The following RBX1 variants were observed in gnomAD, a reference collection of about 807,000 sequenced individuals.
The protein encoded by RBX1 is ring-box 1.
For missense variants in RBX1, 46 were observed against 141.4 expected, an observed-to-expected ratio of 0.33 and a Z score of 3.42; for synonymous variants, 48 against 47.9, an observed-to-expected ratio of 1.00 and a Z score of -0.01.
At chr22:40,969,260 T>C (rs1306141893) in intron 4 of RBX1, among the ~76,000 whole-genome samples, 1 of 152,172 alleles carries the variant, frequency 6.6e-6, no homozygotes, top group African/African-American at 2.4e-5. Flanking sequence ...TGTGGTGGGC[T>C]GAGATCGCAC....
chr22:40,961,081 C>CTTTTTTTTTTTTTTTTTTT (rs61092253), intron 2 of RBX1, among the ~76,000 whole-genome samples: 5 of 107,670 alleles, frequency 4.6e-5, no homozygotes, highest in Admixed American at 1.9e-4. Context: ...CGTGCCTGGC[C>CTTTTTTTTTTTTTTTTTTT]TTTTTTTTTT....
intron 4 of RBX1, among the ~76,000 whole-genome samples, 180 bp from the exon 5 acceptor site, chr22:40,972,296 G>A (rs2058371215): frequency 6.6e-6 from 1 of 152,184 alleles, no homozygotes; most frequent in Admixed American, 6.6e-5. Flanking sequence ...CCTGTAAGAT[G>A]GGGAGGGGAA....
At chr22:40,961,254 A>AT (rs1036046244) in intron 2 of RBX1, among the ~76,000 whole-genome samples, 70 of 150,156 alleles carry the variant, frequency 4.7e-4, no homozygotes, top group African/African-American at 1.7e-3. Flanking sequence ...CAACTGGCTA[A>AT]TTTTTTTATT....
intron 4 of RBX1, among the ~76,000 whole-genome samples, chr22:40,971,583 T>G (rs1363425789): frequency 6.6e-6 from 1 of 152,044 alleles, no homozygotes; most frequent in Non-Finnish European, 1.5e-5. Context: ...TGAGACAGAG[T>G]CTCACTGTGT....
At chr22:40,972,455 G>A (rs2058371607) in intron 4 of RBX1, 21 bp from the exon 5 acceptor site, 4 of 1,595,384 alleles carry the variant, frequency 2.5e-6, no homozygotes, top group South Asian at 1.1e-5. Context: ...ATTAATCAGA[G>A]TAATTTACTT....
rs61092253 is a variant in RBX1 at position 40,961,081 on chromosome 22, C to CTTTTTTTTTTTTTTTTT, written c.158-2959_158-2943dup. Among the ~76,000 whole-genome samples, 5 of 107,670 alleles carry CTTTTTTTTTTTTTTTTT rather than the reference C, an allele frequency of 4.6e-5. 1 individual carries two copies. Among genetic ancestry groups the CTTTTTTTTTTTTTTTTT allele is most frequent in the African/African-American group, 1.8e-4 (5 of 27,120 alleles). The allele number at this position is 107,670 out of a possible 152,430, so 70.6% of individuals were successfully genotyped here. Reference sequence around the variant, plus strand: ...GCCCGGCCGAGCCACCGTGCCTGGCCTTTTTTTTTTTTTTTTTTTTTTTGA... The same window carrying CTTTTTTTTTTTTTTTTT: ...GCCCGGCCGAGCCACCGTGCCTGGCCTTTTTTTTTTTTTTTTTTTTTTTTTTTTTTTTTTTTTTTTGA... On this transcript the variant is annotated intron_variant, in intron 2 of 4. Coordinates refer to ENST00000216225, the MANE Select transcript of RBX1 (RefSeq NM_014248.4).
rs2058358361 is a variant in RBX1, at chr22:40,967,898, GT to G, written c.314+16del. 1.3e-6 allele frequency: 2 copies of G among 1,598,382 alleles called. No individual in the cohort carries two copies. The highest frequency in any genetic ancestry group is 1.7e-6 in the Non-Finnish European group (2 of 1,165,842). On this transcript the variant is annotated intron_variant, in intron 4 of 4. Coordinates refer to ENST00000216225, the MANE Select transcript of RBX1 (RefSeq NM_014248.4). Reference sequence around the variant, plus strand: ...GGAATTCCAAAAGTAGGTATCTTTGGTTGTTTTGACGGGGCTTTTTGACTTG... The same window carrying G: ...GGAATTCCAAAAGTAGGTATCTTTGGTGTTTTGACGGGGCTTTTTGACTTG...
At chr22:40,967,273 G>T (rs1051870383) in intron 3 of RBX1, 1 of 153,032 alleles carries the variant, frequency 6.5e-6, no homozygotes, top group Admixed American at 6.5e-5. Context: ...TGAGCTGGGT[G>T]TGGGGAGGTT....
intron 2 of RBX1, among the ~76,000 whole-genome samples, chr22:40,956,247 T>A (rs1569042665): frequency 6.6e-6 from 1 of 152,156 alleles, no homozygotes; most frequent in South Asian, 2.1e-4. Context: ...ATTTTGAATG[T>A]CAGATGAAGT....
intron 2 of RBX1, among the ~76,000 whole-genome samples, chr22:40,962,322 G>A (rs1398576191): frequency 6.6e-6 from 1 of 151,938 alleles, no homozygotes; most frequent in Non-Finnish European, 1.5e-5. Context: ...GGCTGGTCTC[G>A]AATTCCTGAC....
In RBX1 at chr22:40,969,559, G is replaced by A. The variant is rs573352014; in HGVS notation, c.314+1675G>A. Reference sequence around the variant, plus strand: ...GAGTCCACTAGTTCGAGACCAGCCTGGTAACATGTTGAAACCCCATCTCTA... The same window carrying A: ...GAGTCCACTAGTTCGAGACCAGCCTAGTAACATGTTGAAACCCCATCTCTA... On this transcript the variant is annotated intron_variant, in intron 4 of 4. Transcript: ENST00000216225. Among the ~76,000 whole-genome samples the A allele has an allele frequency of 3.9e-5, 6 of 152,146 alleles. No homozygotes were observed. The East Asian group carries it at 9.7e-4, about 25-fold the overall frequency.
At chr22:40,963,764 T>G (rs2146301463) in intron 2 of RBX1, among the ~76,000 whole-genome samples, 1 of 152,244 alleles carries the variant, frequency 6.6e-6, no homozygotes, top group East Asian at 1.9e-4. Flanking sequence ...GAGAATCACC[T>G]AAGCCCAGGA....
chr22:40,963,363 C>T (rs898074672), intron 2 of RBX1, among the ~76,000 whole-genome samples: 14 of 151,846 alleles, frequency 9.2e-5, no homozygotes, highest in Non-Finnish European at 1.6e-4. Context: ...AGGCCAGGTG[C>T]GGTGGCTCAT....
At chr22:40,955,916 A>G (rs1308087564) in intron 2 of RBX1, among the ~76,000 whole-genome samples, 1 of 152,140 alleles carries the variant, frequency 6.6e-6, no homozygotes, top group South Asian at 2.1e-4. Flanking sequence ...CAGGGTTTCA[A>G]ATGTGTTTGG....
At chr22:40,957,911 A>G (rs1338527352) in intron 2 of RBX1, among the ~76,000 whole-genome samples, 1 of 151,602 alleles carries the variant, frequency 6.6e-6, no homozygotes, top group African/African-American at 2.4e-5. Flanking sequence ...TGCAGTCTCC[A>G]CCTTCTGGGT....
chr22:40,955,072 C>T (rs1003602656), intron 2 of RBX1, among the ~76,000 whole-genome samples: 7 of 152,114 alleles, frequency 4.6e-5, no homozygotes, highest in African/African-American at 1.7e-4. Context: ...CAAGCATAAG[C>T]CACCATGCCC....
chr22:40,954,879 C>G (rs983356497), intron 2 of RBX1, among the ~76,000 whole-genome samples: 9 of 152,084 alleles, frequency 5.9e-5, no homozygotes, highest in African/African-American at 1.9e-4. Context: ...CTCCGCCTCC[C>G]GAGTTCAAGT....
Position 40,967,630 on chromosome 22 carries a change from T to G in RBX1, c.229-169T>G. The G allele has an allele frequency of 5.4e-6, 3 of 551,476 alleles. No individual in the cohort carries two copies. In the South Asian group the frequency reaches 7.0e-5, roughly 13 times the overall value. The allele number at this position is 551,476 out of a possible 1,614,324, so 34.2% of individuals were successfully genotyped here. A position where few individuals can be genotyped will look rare whatever the true frequency, so the allele number is the denominator to read the frequency against. ...AACAAATGCTTTGTTGGAAATACCC[T>G]TGCATCTAACCAAGATATAATCAGT... On this transcript the variant is annotated intron_variant, in intron 3 of 4. Transcript: ENST00000216225.
At position 40,972,510 on chromosome 22, in the gene RBX1, CTTAA is replaced by C. The variant is rs755068159; in HGVS notation, c.*25_*28del. On this transcript the variant is annotated 3_prime_UTR_variant, in exon 5 of 5. Coordinates refer to ENST00000216225, the MANE Select transcript of RBX1 (RefSeq NM_014248.4). ...CTAGGAAAAGACTTCTTCCATCAAG[CTTAA>C]TTGTTTTGTTATTCATTTAATGACT... is the stretch of plus-strand genomic sequence containing the variant. 40 of 1,589,184 alleles carry C rather than the reference CTTAA, an allele frequency of 2.5e-5. No homozygotes were observed. Among genetic ancestry groups the C allele is most frequent in the Non-Finnish European group, 2.9e-5 (34 of 1,157,508 alleles).
Sources: gnomAD v4.1 joint callset for allele counts (sites outside exome capture counted in the v4.1 genomes callset) on GRCh38, gnomAD v4.1.1 for gene constraint, MANE v1.5 for transcripts, NCBI Gene and HGNC (gene_info 2026-07-23, HGNC 2026-07-21) for gene names.